ARHGAP42: variants seen among roughly 807,000 people sequenced by gnomAD.
The protein encoded by ARHGAP42 is rho GTPase-activating protein 42.
A neutral mutation model predicts 125.0 loss-of-function variants in ARHGAP42; 63 were observed. The ratio of observed to expected loss-of-function variants is 0.50; its 90% CI spans 0.41 to 0.62. ARHGAP42 has a LOEUF of 0.62. ARHGAP42 is among the 20% of genes least tolerant of loss of function. The probability of loss-of-function intolerance (pLI) is 0.00; values close to 1 mark genes in which losing one functional copy is unlikely to be tolerated. For synonymous variants in ARHGAP42, 339 were observed against 351.0 expected, an observed-to-expected ratio of 0.97 and a Z score of 0.38; for missense variants, 766 against 1,024.2, an observed-to-expected ratio of 0.75 and a Z score of 3.44.
At chr11:100,928,062 A>G (rs1054865859) in intron 6 of ARHGAP42, among the ~76,000 whole-genome samples, 10 of 152,212 alleles carry the variant, frequency 6.6e-5, no homozygotes, top group Non-Finnish European at 1.0e-4. Context: ...TTTTGAAGGT[A>G]TCCTTTAAGA....
At chr11:100,956,241 A>G (rs1857801760) in intron 12 of ARHGAP42, among the ~76,000 whole-genome samples, 2 of 152,164 alleles carry the variant, frequency 1.3e-5, no homozygotes, top group Non-Finnish European at 2.9e-5. Context: ...TATTTCAGTG[A>G]GTTTTGCCAC....
At chr11:100,919,938 C>A (rs144097231) in intron 5 of ARHGAP42, among the ~76,000 whole-genome samples, 7 of 152,294 alleles carry the variant, frequency 4.6e-5, no homozygotes, top group African/African-American at 1.7e-4. Context: ...TACTGCAAAT[C>A]AGGCTTTTCT....
intron 4 of ARHGAP42, among the ~76,000 whole-genome samples, chr11:100,912,502 C>G (rs918174028): frequency 6.6e-6 from 1 of 152,126 alleles, no homozygotes; most frequent in African/African-American, 2.4e-5. Context: ...GTTGCAGTTT[C>G]AGAGACACTG....
At chr11:100,861,164 A>G (rs950466634) in intron 4 of ARHGAP42, among the ~76,000 whole-genome samples, 2 of 152,218 alleles carry the variant, frequency 1.3e-5, no homozygotes, top group Non-Finnish European at 2.9e-5. Context: ...CATGAGGAAG[A>G]AAAAGGGGAC....
intron 17 of ARHGAP42, among the ~76,000 whole-genome samples, chr11:100,966,142 C>T (rs1381714703): frequency 2.0e-5 from 3 of 152,078 alleles, no homozygotes; most frequent in Non-Finnish European, 4.4e-5. Flanking sequence ...CTAAAGTCAA[C>T]AGGTTCCCCT....
chr11:100,948,317 G>T, intron 10 of ARHGAP42, 140 bp from the exon 11 acceptor site: 2 of 638,322 alleles, frequency 3.1e-6, no homozygotes, highest in South Asian at 2.9e-5. Flanking sequence ...TTCTTTTTTA[G>T]AAAAATTCCT....
chr11:100,793,716 C>A (rs180993368), intron 2 of ARHGAP42, among the ~76,000 whole-genome samples: 28 of 152,236 alleles, frequency 1.8e-4, no homozygotes, highest in Admixed American at 1.8e-3. Context: ...TACTAAACTT[C>A]TGGTCTCACA....
intron 4 of ARHGAP42, among the ~76,000 whole-genome samples, chr11:100,864,481 C>T (rs150859026): frequency 5.4e-4 from 82 of 152,244 alleles, no homozygotes; most frequent in Admixed American, 2.2e-3. Context: ...CGCACCTGGC[C>T]TATGTCTGAG....
chr11:100,717,438 T>C (rs1016042883), intron 1 of ARHGAP42, among the ~76,000 whole-genome samples: 34 of 151,478 alleles, frequency 2.2e-4, no homozygotes, highest in Non-Finnish European at 2.2e-4. Context: ...GAGATTAAGA[T>C]CATCCTGGCT....
chr11:100,895,493 C>CCTT lies in ARHGAP42; in HGVS notation c.385-17959_385-17958insCTT, dbSNP rs1565263603. Among the ~76,000 whole-genome samples the CCTT allele has an allele frequency of 8.1e-5, 10 of 123,484 alleles. 1 individual carries two copies. Among genetic ancestry groups the CCTT allele is most frequent in the Non-Finnish European group, 6.8e-5 (4 of 58,674 alleles). 81.0% of individuals were successfully genotyped at this position (123,484 alleles called of 152,430 possible). A position where few individuals can be genotyped will look rare whatever the true frequency, so the allele number is the denominator to read the frequency against. ...CAGAACTATTCTTATAAAAGAGCAACTTTTTTTTTTTTTTTTTTTTAATCC... is the reference window on the plus strand; with the variant it reads ...CAGAACTATTCTTATAAAAGAGCAACCTTTTTTTTTTTTTTTTTTTTTTAATCC... On this transcript the variant is annotated intron_variant, in intron 4 of 23. Transcript: ENST00000298815.
At chr11:100,940,683 G>GT (rs916856662) in intron 8 of ARHGAP42, among the ~76,000 whole-genome samples, 4 of 152,280 alleles carry the variant, frequency 2.6e-5, no homozygotes, top group Admixed American at 6.5e-5. Context: ...ATTTGAACTT[G>GT]TTTTTTCCAG....
intron 3 of ARHGAP42, among the ~76,000 whole-genome samples, chr11:100,836,725 G>GTTTTTTTTTTTTTTTTTTTTTTTTT (rs1565234966): frequency 9.9e-6 from 1 of 101,006 alleles, no homozygotes; most frequent in Non-Finnish European, 2.0e-5. Flanking sequence ...TTTTGTTGTT[G>GTTTTTTTTTTTTTTTTTTTTTTTTT]TTTTCTTTTT....
At chr11:100,718,803 A>G (rs940703077) in intron 1 of ARHGAP42, among the ~76,000 whole-genome samples, 7 of 152,218 alleles carry the variant, frequency 4.6e-5, no homozygotes, top group Non-Finnish European at 1.0e-4. Context: ...TGAATCCTAT[A>G]TTGAGTAAAT....
rs1427441486 is a variant in ARHGAP42 at position 100,990,373 on chromosome 11, T to TTATTTAGGTTAGGTATTTAACC, written c.*1574_*1575insTTTAGGTTAGGTATTTAACCTA. On this transcript the variant is annotated 3_prime_UTR_variant, in exon 24 of 24. Transcript: ENST00000298815. ...AATTAATGTTTCTAGAATTAATAGG[T>TTATTTAGGTTAGGTATTTAACC]TAAATACACATACACACACACAACT... The TTATTTAGGTTAGGTATTTAACC allele has an allele frequency of 6.6e-6, 1 of 152,104 alleles. No homozygotes were observed. The highest frequency in any genetic ancestry group is 1.5e-5 in the Non-Finnish European group (1 of 68,008). The allele number at this position is 152,104 out of a possible 1,614,324, so 9.4% of individuals were successfully genotyped here.
chr11:100,871,985 C>T (rs747162684), intron 4 of ARHGAP42, among the ~76,000 whole-genome samples: 6 of 152,130 alleles, frequency 3.9e-5, no homozygotes, highest in Non-Finnish European at 8.8e-5. Flanking sequence ...TCGGGTGATC[C>T]GCCCACCTCA....
At chr11:100,817,653 T>C (rs1348895702) in intron 3 of ARHGAP42, among the ~76,000 whole-genome samples, 4 of 152,188 alleles carry the variant, frequency 2.6e-5, no homozygotes, top group Non-Finnish European at 5.9e-5. Flanking sequence ...AGCCAGACAT[T>C]ACTCTAAGCT....
intron 3 of ARHGAP42, among the ~76,000 whole-genome samples, chr11:100,853,257 A>T (rs555617639): frequency 5.3e-5 from 8 of 152,278 alleles, no homozygotes; most frequent in Non-Finnish European, 1.2e-4. Flanking sequence ...GTTGAAAAGA[A>T]GTTTGACTTT....
chr11:100,962,376 T>C lies in ARHGAP42; in HGVS notation c.1386-33T>C, dbSNP rs1404617756. On this transcript the variant is annotated intron_variant, in intron 15 of 23. Transcript: ENST00000298815. ...TTTAGGGGAGAATAAAAGATTCTACTATTCTAACATGTGTTTCCTTTCTCT... is the reference window on the plus strand; with the variant it reads ...TTTAGGGGAGAATAAAAGATTCTACCATTCTAACATGTGTTTCCTTTCTCT... The C allele has an allele frequency of 2.0e-6, 3 of 1,524,520 alleles. No individual in the cohort carries two copies. The Admixed American group carries it at 5.9e-5, about 30-fold the overall frequency. The allele number at this position is 1,524,520 out of a possible 1,614,324, so 94.4% of individuals were successfully genotyped here. A position where few individuals can be genotyped will look rare whatever the true frequency, so the allele number is the denominator to read the frequency against.
intron 12 of ARHGAP42, among the ~76,000 whole-genome samples, chr11:100,951,501 G>T (rs1214938114): frequency 2.0e-5 from 3 of 152,096 alleles, no homozygotes; most frequent in Admixed American, 6.6e-5. Context: ...TGCACTATAA[G>T]GTTAGTCCTT....
Sources: allele counts gnomAD v4.1 joint callset (sites outside exome capture counted in the v4.1 genomes callset), GRCh38; gene constraint gnomAD v4.1.1; transcripts MANE v1.5; gene names NCBI Gene and HGNC (gene_info 2026-07-23, HGNC 2026-07-21).